The following NT5C3A variants were observed in gnomAD, a reference collection of about 807,000 sequenced individuals.
NT5C3A encodes the protein 5'-nucleotidase, cytosolic IIIA, also known as cytosolic 5'-nucleotidase 3A.
In NT5C3A, 23 loss-of-function variants were observed where a neutral mutation model predicts 40.0. The ratio of observed to expected loss-of-function variants is 0.58; its 90% CI spans 0.41 to 0.81. The LOEUF (loss-of-function observed/expected upper bound fraction) is 0.81, where lower values mean the gene tolerates loss of function less well. Among genes scored for constraint, NT5C3A ranks in the 40% least tolerant of loss-of-function variants. NT5C3A has a pLI of 0.00. For missense variants in NT5C3A, 328 were observed against 403.0 expected (o/e 0.81, Z 1.59); for synonymous variants, 130 against 141.4 (o/e 0.92, Z 0.57).
rs70989927 is a variant in NT5C3A at position 33,056,473 on chromosome 7, CAAAAAAAAAAAAAAAAAAAAAAAA to C, written c.138+6071_138+6094del. On this transcript the variant is annotated intron_variant, in intron 1 of 8. Coordinates refer to ENST00000610140, the MANE Select transcript of NT5C3A (RefSeq NM_001002010.5). The stretch of plus-strand genomic sequence containing the variant: ...GCAAATAGTGAGACCCCGTCTCTAC[CAAAAAAAAAAAAAAAAAAAAAAAA>C]AAAAAAAAAAAAAAAAAAATTTAAC... Among the ~76,000 whole-genome samples the C allele has an allele frequency of 1.2e-3, 52 of 43,720 alleles. 1 individual carries two copies. Among genetic ancestry groups the C allele is most frequent in the South Asian group, 0.011 (10 of 894 alleles). The allele number at this position is 43,720 out of a possible 152,430, so 28.7% of individuals were successfully genotyped here. A position where few individuals can be genotyped will look rare whatever the true frequency, so the allele number is the denominator to read the frequency against.
At chr7:33,053,864 T>C (rs947559096) in intron 1 of NT5C3A, among the ~76,000 whole-genome samples, 3 of 152,148 alleles carry the variant, frequency 2.0e-5, no homozygotes, top group African/African-American at 7.2e-5. Context: ...TTCTAGCTAA[T>C]ATACAAGTAG....
intron 1 of NT5C3A, among the ~76,000 whole-genome samples, chr7:33,055,304 C>T (rs1482617417): frequency 1.3e-5 from 2 of 149,868 alleles, no homozygotes; most frequent in Admixed American, 6.7e-5. Context: ...CAGCACAAAG[C>T]GAGACTTGGT....
intron 8 of NT5C3A, among the ~76,000 whole-genome samples, chr7:33,015,209 A>G (rs1288384555): frequency 6.6e-6 from 1 of 152,154 alleles, no homozygotes; most frequent in Non-Finnish European, 1.5e-5. Flanking sequence ...CCCAGTACCT[A>G]TAGCATGCAT....
At chr7:33,038,825 A>G (rs143069134) in intron 1 of NT5C3A, 403 of 456,484 alleles carry the variant, frequency 8.8e-4, no homozygotes, top group Non-Finnish European at 1.0e-3. Context: ...TACTTTGCCA[A>G]TGGTCATCTG....
At chr7:33,058,317 A>G (rs1186563890) in intron 1 of NT5C3A, among the ~76,000 whole-genome samples, 1 of 151,544 alleles carries the variant, frequency 6.6e-6, no homozygotes, top group Non-Finnish European at 1.5e-5. Context: ...ATAATTCAGT[A>G]TGAATAGTAC....
At chr7:33,017,685 C>A in intron 6 of NT5C3A, 84 bp from the exon 7 acceptor site, 1 of 1,044,570 alleles carries the variant, frequency 9.6e-7, no homozygotes, top group East Asian at 2.4e-5. Context: ...TGAAATATTC[C>A]TAGTAATTCT....
intron 1 of NT5C3A, among the ~76,000 whole-genome samples, chr7:33,030,179 C>T (rs1786167066): frequency 6.6e-6 from 1 of 152,010 alleles, no homozygotes; most frequent in East Asian, 1.9e-4. Flanking sequence ...TACAATATAG[C>T]CTAAGAAAGA....
At chr7:33,033,371 T>C (rs757073617) in intron 1 of NT5C3A, among the ~76,000 whole-genome samples, 12 of 152,350 alleles carry the variant, frequency 7.9e-5, no homozygotes, top group Non-Finnish European at 1.8e-4. Context: ...ATTTTAGTAA[T>C]AGCGATTTCC....
At chr7:33,041,945 T>C (rs984504953) in intron 1 of NT5C3A, among the ~76,000 whole-genome samples, 1 of 152,190 alleles carries the variant, frequency 6.6e-6, no homozygotes, top group Non-Finnish European at 1.5e-5. Flanking sequence ...CAGAGAAATC[T>C]AGTCTAGTAA....
intron 1 of NT5C3A, among the ~76,000 whole-genome samples, chr7:33,055,229 G>A (rs536002279): frequency 1.4e-3 from 211 of 152,112 alleles, no homozygotes; most frequent in African/African-American, 4.9e-3. Flanking sequence ...GGAGACTGAG[G>A]CATGAGAATT....
chr7:33,020,974 A>G (rs1285973534), intron 5 of NT5C3A, among the ~76,000 whole-genome samples: 3 of 126,282 alleles, frequency 2.4e-5, no homozygotes, highest in Admixed American at 8.7e-5. Context: ...TTCTTTACAC[A>G]TTAAGCCACG....
chr7:33,025,628 A>T (rs555086065), intron 2 of NT5C3A, among the ~76,000 whole-genome samples: 1 of 152,178 alleles, frequency 6.6e-6, no homozygotes, highest in African/African-American at 2.4e-5. Flanking sequence ...AAAACTAAAC[A>T]CTTTTAAATA....
chr7:33,048,355 T>A (rs1378854306), intron 1 of NT5C3A, among the ~76,000 whole-genome samples: 2 of 152,084 alleles, frequency 1.3e-5, no homozygotes, highest in Non-Finnish European at 2.9e-5. Context: ...TGGTAAATAG[T>A]TTAAAATAAA....
chr7:33,015,703 C>A lies in NT5C3A; in HGVS notation c.861G>T (p.Glu287Asp), dbSNP rs72555746. The A allele has an allele frequency of 6.2e-7, 1 of 1,610,658 alleles. No individual in the cohort carries two copies. Among genetic ancestry groups the A allele is most frequent in the South Asian group, 1.1e-5 (1 of 90,942 alleles). ...LRMADGVANVEHILKIGYLND... is the reference protein window; with the variant it reads ...LRMADGVANVDHILKIGYLND... ...TTAGATATCCAATTTTCAGAATGTG[C>A]TCAACATTGGCCACTCCATCTGCCA... The change falls in exon 8 of 9, where the codon GAG becomes GAT. Residue 287 changes from glutamate (E) to aspartate (D), a missense_variant. Glu to Asp is a conservative substitution (Grantham distance 45, BLOSUM62 2). Transcript: ENST00000610140.
At chr7:33,053,631 A>G (rs1169596199) in intron 1 of NT5C3A, among the ~76,000 whole-genome samples, 2 of 152,126 alleles carry the variant, frequency 1.3e-5, no homozygotes, top group African/African-American at 2.4e-5. Context: ...ACTGCACTCC[A>G]GCCTGGCTCA....
intron 1 of NT5C3A, among the ~76,000 whole-genome samples, chr7:33,056,333 T>G (rs1035578961): frequency 6.6e-6 from 1 of 151,592 alleles, no homozygotes; most frequent in South Asian, 2.1e-4. Context: ...AAAATTGAGA[T>G]ATGGAGATAT....
At chr7:33,020,863 TG>T (rs11336828) in intron 5 of NT5C3A, among the ~76,000 whole-genome samples, 109,639 of 151,368 alleles carry the variant, frequency 0.72, 39,984 homozygotes, top group African/African-American at 0.79. Context: ...GTGATCTGCC[TG>T]GAACACTGCA....
chr7:33,020,668 A>G (rs939964945), intron 5 of NT5C3A, among the ~76,000 whole-genome samples: 8 of 152,212 alleles, frequency 5.3e-5, no homozygotes, highest in African/African-American at 1.7e-4. Flanking sequence ...TTCCTTCTCA[A>G]ATCAAAGCAT....
chr7:33,032,104 G>A (rs1786297756), intron 1 of NT5C3A, among the ~76,000 whole-genome samples: 1 of 149,530 alleles, frequency 6.7e-6, no homozygotes, highest in African/African-American at 2.5e-5. Context: ...TAGCCCAAGT[G>A]ACAGAGCGAG....
Sources: allele counts gnomAD v4.1 joint callset (sites outside exome capture counted in the v4.1 genomes callset), GRCh38; gene constraint gnomAD v4.1.1; transcripts MANE v1.5; gene names NCBI Gene and HGNC (gene_info 2026-07-23, HGNC 2026-07-21).